The following HS3ST4 variants were observed in gnomAD, a reference collection of about 807,000 sequenced individuals.
The protein encoded by HS3ST4 is heparan sulfate glucosamine 3-O-sulfotransferase 4.
HS3ST4 carries 17 observed loss-of-function variants against 29.2 expected under a neutral mutation model. The ratio of observed to expected loss-of-function variants is 0.58; its 90% CI spans 0.40 to 0.87. The LOEUF (loss-of-function observed/expected upper bound fraction) is 0.87. Among genes scored for constraint, HS3ST4 ranks in the 40% least tolerant of loss-of-function variants. The pLI, the probability that HS3ST4 is intolerant of heterozygous loss-of-function variation, is 0.00. For synonymous variants in HS3ST4, 314 were observed against 285.7 expected (o/e 1.10, Z -1.00); for missense variants, 627 against 634.5 (o/e 0.99, Z 0.13).
intron 1 of HS3ST4, among the ~76,000 whole-genome samples, chr16:25,710,242 G>T (rs1966406460): frequency 6.6e-6 from 1 of 152,180 alleles, no homozygotes; most frequent in Non-Finnish European, 1.5e-5. Context: ...CTTGTGTGTT[G>T]TTTGGGAGAT....
intron 1 of HS3ST4, among the ~76,000 whole-genome samples, chr16:26,087,546 T>G (rs893960168): frequency 6.6e-6 from 1 of 152,048 alleles, no homozygotes; most frequent in Non-Finnish European, 1.5e-5. Flanking sequence ...ATTGAAACCC[T>G]TAAAGAGCTC....
At chr16:25,709,515 G>A (rs10521132) in intron 1 of HS3ST4, among the ~76,000 whole-genome samples, 31,824 of 152,028 alleles carry the variant, frequency 0.21, 3,728 homozygotes, top group South Asian at 0.42. Flanking sequence ...ATCTTTCCCC[G>A]AAGTACAACC....
At chr16:26,040,737 T>C (rs59971728) in intron 1 of HS3ST4, among the ~76,000 whole-genome samples, 2,521 of 152,228 alleles carry the variant, frequency 0.017, 66 homozygotes, top group African/African-American at 0.056. Context: ...TATTCAGTTG[T>C]GTTATGGAAG....
chr16:25,917,305 C>G (rs1328874010), intron 1 of HS3ST4, among the ~76,000 whole-genome samples: 2 of 152,102 alleles, frequency 1.3e-5, no homozygotes, highest in Non-Finnish European at 2.9e-5. Context: ...CTCCACCTCC[C>G]AGGTTCAAGC....
chr16:25,918,216 T>C (rs942959458), intron 1 of HS3ST4, among the ~76,000 whole-genome samples: 1 of 152,244 alleles, frequency 6.6e-6, no homozygotes, highest in Non-Finnish European at 1.5e-5. Flanking sequence ...TGCTGCCTCA[T>C]GGTTTTATTT....
At chr16:25,764,985 A>G (rs574767110) in intron 1 of HS3ST4, among the ~76,000 whole-genome samples, 1 of 152,230 alleles carries the variant, frequency 6.6e-6, no homozygotes, top group African/African-American at 2.4e-5. Flanking sequence ...GACATAAAAG[A>G]AGAGAAATGG....
chr16:25,971,722 G>A (rs1012858607), intron 1 of HS3ST4, among the ~76,000 whole-genome samples: 4 of 152,112 alleles, frequency 2.6e-5, no homozygotes, highest in African/African-American at 7.2e-5. Context: ...TCAGGAGTTC[G>A]AGACCAGCCT....
chr16:25,972,046 T>C (rs1210607706), intron 1 of HS3ST4, among the ~76,000 whole-genome samples: 1 of 152,232 alleles, frequency 6.6e-6, no homozygotes, highest in Non-Finnish European at 1.5e-5. Flanking sequence ...ATTCCTGAGC[T>C]GGGCCTTGGT....
intron 1 of HS3ST4, among the ~76,000 whole-genome samples, chr16:26,101,759 A>G (rs1482637459): frequency 1.3e-5 from 2 of 152,198 alleles, no homozygotes; most frequent in Non-Finnish European, 2.9e-5. Context: ...GGTTGAATGA[A>G]TAGATGGATG....
rs1174426512 is a variant in HS3ST4 at position 26,002,347 on chromosome 16, A to G, written c.735-133265A>G. On this transcript the variant is annotated intron_variant, in intron 1 of 1. Transcript: ENST00000331351. ...TAAGATTGTGGGAACACTTTTTTTAATGGATTACCCCAGAGCACCTGAGAC... is the reference window on the plus strand; with the variant it reads ...TAAGATTGTGGGAACACTTTTTTTAGTGGATTACCCCAGAGCACCTGAGAC... Among the ~76,000 whole-genome samples, 10 of 152,118 alleles carry G rather than the reference A, an allele frequency of 6.6e-5. 1 individual carries two copies. In the East Asian group the frequency reaches 1.7e-3, roughly 26 times the overall value.
intron 1 of HS3ST4, among the ~76,000 whole-genome samples, chr16:25,878,951 CTCTG>C (rs1967864462): frequency 6.6e-6 from 1 of 152,156 alleles, no homozygotes. Flanking sequence ...AAGCTCTGTG[CTCTG>C]TCTGCTTCAG....
rs964875440 is a variant in HS3ST4, at chr16:25,876,433, G to A, written c.734+183282G>A. On this transcript the variant is annotated intron_variant, in intron 1 of 1. Coordinates refer to ENST00000331351, the MANE Select transcript of HS3ST4 (RefSeq NM_006040.3). ...ATGAGTGGCACCATTCCCAGGATCT[G>A]CTGTTGTTCTTGGCTGTTTCAAGTT... is the stretch of plus-strand genomic sequence containing the variant. 5.9e-5 allele frequency among the ~76,000 whole-genome samples: 9 copies of A among 152,106 alleles called. 1 individual carries two copies. The highest frequency in any genetic ancestry group is 2.0e-4 in the Admixed American group (3 of 15,250).
chr16:25,948,224 A>G (rs1245929385), intron 1 of HS3ST4, among the ~76,000 whole-genome samples: 1 of 152,200 alleles, frequency 6.6e-6, no homozygotes, highest in African/African-American at 2.4e-5. Flanking sequence ...GCAACAGCCC[A>G]TAACCAAACT....
At chr16:25,883,145 ATTTTTTTT>A (rs10581302) in intron 1 of HS3ST4, among the ~76,000 whole-genome samples, 3,455 of 141,984 alleles carry the variant, frequency 0.024, 68 homozygotes, top group African/African-American at 0.038. Flanking sequence ...GGCCCATACG[ATTTTTTTT>A]TTTTTTTTTT....
intron 1 of HS3ST4, among the ~76,000 whole-genome samples, chr16:25,850,825 T>C (rs994140807): frequency 3.9e-5 from 6 of 152,182 alleles, no homozygotes; most frequent in African/African-American, 1.4e-4. Context: ...CTGGAAACTA[T>C]TCTGTGTTAA....
intron 1 of HS3ST4, among the ~76,000 whole-genome samples, chr16:25,883,397 AT>A (rs11334428): frequency 0.73 from 110,904 of 151,576 alleles, 40,734 homozygotes; most frequent in African/African-American, 0.77. Flanking sequence ...AACAAAAAAA[AT>A]ACCCCACACT....
At chr16:26,083,812 T>A (rs1898753079) in intron 1 of HS3ST4, among the ~76,000 whole-genome samples, 1 of 152,202 alleles carries the variant, frequency 6.6e-6, no homozygotes, top group South Asian at 2.1e-4. Flanking sequence ...AACAGTCATG[T>A]GATGATTGGT....
intron 1 of HS3ST4, among the ~76,000 whole-genome samples, chr16:26,010,763 G>A (rs1969303018): frequency 6.6e-6 from 1 of 152,206 alleles, no homozygotes; most frequent in African/African-American, 2.4e-5. Context: ...CTTCACAGAG[G>A]AGGCCATGTC....
intron 1 of HS3ST4, among the ~76,000 whole-genome samples, chr16:25,714,789 G>T (rs1331617652): frequency 1.3e-5 from 2 of 152,200 alleles, no homozygotes; most frequent in Non-Finnish European, 2.9e-5. Flanking sequence ...ATGGGGTTGG[G>T]TCATGCTTTA....
Sources: gnomAD v4.1 joint callset for allele counts (sites outside exome capture counted in the v4.1 genomes callset) on GRCh38, gnomAD v4.1.1 for gene constraint, MANE v1.5 for transcripts, NCBI Gene and HGNC (gene_info 2026-07-23, HGNC 2026-07-21) for gene names.